Variants in BTBD9 observed in about 807,000 individuals in gnomAD.
The protein encoded by BTBD9 is BTB/POZ domain-containing protein 9.
A neutral mutation model predicts 64.3 loss-of-function variants in BTBD9; 49 were observed. The observed-to-expected ratio is 0.76, with a 90% CI of 0.61 to 0.97. BTBD9 has a LOEUF of 0.97. Among genes scored for constraint, BTBD9 ranks in the 50% least tolerant of loss-of-function variants. BTBD9 has a pLI of 0.00. For synonymous variants in BTBD9, 260 were observed against 274.7 expected (o/e 0.95, Z 0.53); for missense variants, 598 against 762.1 (o/e 0.78, Z 2.53).
At chr6:38,355,426 T>C (rs1764686801) in intron 6 of BTBD9, among the ~76,000 whole-genome samples, 4 of 152,154 alleles carry the variant, frequency 2.6e-5, no homozygotes, top group Non-Finnish European at 2.9e-5. Flanking sequence ...GCTGTTTTTT[T>C]CCCCTCCCCA....
chr6:38,635,617 G>A (rs1305358795), intron 1 of BTBD9, among the ~76,000 whole-genome samples: 2 of 152,164 alleles, frequency 1.3e-5, no homozygotes, highest in Non-Finnish European at 2.9e-5. Context: ...GTGGGAATAG[G>A]TTGACATGAT....
At chr6:38,524,631 G>T (rs897503632) in intron 6 of BTBD9, among the ~76,000 whole-genome samples, 79 of 136,298 alleles carry the variant, frequency 5.8e-4, no homozygotes, top group African/African-American at 1.9e-3. Context: ...ATAACATAGG[G>T]TTATTTAGTT....
chr6:38,341,653 T>C (rs1010906866), intron 7 of BTBD9, among the ~76,000 whole-genome samples: 8 of 152,046 alleles, frequency 5.3e-5, no homozygotes, highest in Non-Finnish European at 7.4e-5. Flanking sequence ...CTTTGGGAGG[T>C]TGAACATTTA....
chr6:38,617,721 T>C (rs1253313988), intron 1 of BTBD9, among the ~76,000 whole-genome samples: 1 of 152,174 alleles, frequency 6.6e-6, no homozygotes, highest in Non-Finnish European at 1.5e-5. Flanking sequence ...ACAAAAGACG[T>C]CACTGTTCCA....
At chr6:38,199,271 A>G (rs886977276) in intron 9 of BTBD9, among the ~76,000 whole-genome samples, 1 of 152,020 alleles carries the variant, frequency 6.6e-6, no homozygotes, top group Non-Finnish European at 1.5e-5. Flanking sequence ...CCTTCCCTCA[A>G]TTGGCTTTCA....
chr6:38,341,225 T>A (rs577879413), intron 7 of BTBD9, among the ~76,000 whole-genome samples: 29 of 152,282 alleles, frequency 1.9e-4, no homozygotes, highest in African/African-American at 7.0e-4. Flanking sequence ...TTTGAAACAA[T>A]TAGGGAAATT....
At chr6:38,360,070 G>C (rs1294729941) in intron 6 of BTBD9, among the ~76,000 whole-genome samples, 1 of 152,104 alleles carries the variant, frequency 6.6e-6, no homozygotes, top group Middle Eastern at 3.2e-3. Flanking sequence ...ATTATATACT[G>C]TGCTTTAACG....
chr6:38,514,744 A>G (rs1401151175), intron 6 of BTBD9, among the ~76,000 whole-genome samples: 1 of 152,202 alleles, frequency 6.6e-6, no homozygotes, highest in Non-Finnish European at 1.5e-5. Flanking sequence ...AAGGTTTTAA[A>G]AGGGTCAAAG....
chr6:38,493,526 A>C (rs1418376250), intron 6 of BTBD9, among the ~76,000 whole-genome samples: 1 of 152,202 alleles, frequency 6.6e-6, no homozygotes, highest in Non-Finnish European at 1.5e-5. Context: ...CTCTCTGTTT[A>C]AGTGCTGGTA....
At chr6:38,355,938 G>A (rs759784600) in intron 6 of BTBD9, among the ~76,000 whole-genome samples, 1 of 152,116 alleles carries the variant, frequency 6.6e-6, no homozygotes, top group Non-Finnish European at 1.5e-5. Flanking sequence ...GTCCACCTTC[G>A]TATATGATTG....
chr6:38,625,772 G>A lies in BTBD9; in HGVS notation c.-28+14028C>T, dbSNP rs570242411. ...AAAGGCAGAACCTGAGATAGAATAAGGAGAGATACAGCATCTCAACTTTCT... is the reference window on the plus strand; with the variant it reads ...AAAGGCAGAACCTGAGATAGAATAAAGAGAGATACAGCATCTCAACTTTCT... On this transcript the variant is annotated intron_variant, in intron 1 of 10. Transcript: ENST00000481247. 7.2e-5 allele frequency among the ~76,000 whole-genome samples: 11 copies of A among 152,328 alleles called. No homozygotes were observed. In the Middle Eastern group the frequency reaches 0.01, roughly 141 times the overall value.
chr6:38,254,271 C>T (rs938708864), intron 9 of BTBD9, among the ~76,000 whole-genome samples: 23 of 151,700 alleles, frequency 1.5e-4, no homozygotes, highest in African/African-American at 5.3e-4. Context: ...TATTAAGCCA[C>T]GGAAATACTG....
intron 4 of BTBD9, among the ~76,000 whole-genome samples, chr6:38,584,676 A>G (rs370587328): frequency 1.3e-5 from 2 of 152,242 alleles, no homozygotes; most frequent in East Asian, 3.9e-4. Context: ...TACTTACCCA[A>G]TTCTGTCACC....
chr6:38,530,006 C>T (rs902935859), intron 6 of BTBD9, among the ~76,000 whole-genome samples: 1 of 152,060 alleles, frequency 6.6e-6, no homozygotes, highest in Non-Finnish European at 1.5e-5. Context: ...AATTCTTTTC[C>T]TAGCAAGGAA....
intron 8 of BTBD9, among the ~76,000 whole-genome samples, chr6:38,266,434 G>A (rs568819031): frequency 3.9e-5 from 6 of 152,070 alleles, no homozygotes; most frequent in African/African-American, 4.8e-5. Flanking sequence ...TTAGCCGGGC[G>A]TGGCAGCGTG....
intron 7 of BTBD9, among the ~76,000 whole-genome samples, chr6:38,331,981 A>G (rs1030296708): frequency 6.6e-6 from 1 of 152,238 alleles, no homozygotes; most frequent in Admixed American, 6.5e-5. Context: ...TTTGCCAATT[A>G]AACAAGCCAA....
chr6:38,386,627 ACT>A (rs1438625623), intron 6 of BTBD9, among the ~76,000 whole-genome samples: 3 of 108,588 alleles, frequency 2.8e-5, no homozygotes, highest in African/African-American at 7.4e-5. Flanking sequence ...TTTCCAGTTT[ACT>A]CTTTTTTTTT....
In BTBD9 at chr6:38,374,316, T is replaced by TATATATATATATAC. The variant is rs1562095814; in HGVS notation, c.1155-29224_1155-29223insGTATATATATATAT. ...ATATATGTATATATATGTATATATA[T>TATATATATATATAC]ATATATATATGTATATAAAATCTGT... On this transcript the variant is annotated intron_variant, in intron 6 of 10. Coordinates refer to ENST00000481247, the MANE Select transcript of BTBD9 (RefSeq NM_001099272.2). 5.0e-4 allele frequency among the ~76,000 whole-genome samples: 58 copies of TATATATATATATAC among 116,310 alleles called. 1 individual carries two copies. The highest frequency in any genetic ancestry group is 2.0e-3 in the African/African-American group (55 of 28,134). The allele number at this position is 116,310 out of a possible 152,430, so 76.3% of individuals were successfully genotyped here.
At position 38,334,590 on chromosome 6, in the gene BTBD9, CATA is replaced by C. The variant is rs1263683765; in HGVS notation, c.1264+10391_1264+10393del. 2.0e-3 allele frequency among the ~76,000 whole-genome samples: 279 copies of C among 139,714 alleles called. 1 individual carries two copies. Among genetic ancestry groups the C allele is most frequent in the African/African-American group, 8.3e-3 (269 of 32,308 alleles). 91.7% of individuals were successfully genotyped at this position (139,714 alleles called of 152,430 possible). On this transcript the variant is annotated intron_variant, in intron 7 of 10. Coordinates refer to ENST00000481247, the MANE Select transcript of BTBD9 (RefSeq NM_001099272.2). ...TCTCAAAAATAATAACATAACATAA[CATA>C]ACATAACATAACATAACATAACATA...
Sources: allele counts gnomAD v4.1 joint callset (sites outside exome capture counted in the v4.1 genomes callset), GRCh38; gene constraint gnomAD v4.1.1; transcripts MANE v1.5; gene names NCBI Gene and HGNC (gene_info 2026-07-23, HGNC 2026-07-21).